SYBU: variants seen among roughly 807,000 people sequenced by gnomAD.
SYBU encodes syntabulin, also known as GOLSYN A protein.
In SYBU, 21 loss-of-function variants were observed where a neutral mutation model predicts 35.9. The ratio of observed to expected loss-of-function variants is 0.58; its 90% CI spans 0.41 to 0.84. The LOEUF is 0.84. SYBU is among the 40% of genes least tolerant of loss of function. The probability of loss-of-function intolerance (pLI) is 0.00; values close to 1 mark genes in which losing one functional copy is unlikely to be tolerated. For synonymous variants in SYBU, 319 were observed against 324.3 expected (o/e 0.98, Z 0.18); for missense variants, 768 against 848.2 (o/e 0.91, Z 1.17).
At chr8:109,688,683 A>G (rs1395329957) in intron 1 of SYBU, among the ~76,000 whole-genome samples, 1 of 151,246 alleles carries the variant, frequency 6.6e-6, no homozygotes, top group Non-Finnish European at 1.5e-5. Flanking sequence ...CTGCTTGGTG[A>G]TATCTCTGGG....
intron 1 of SYBU, among the ~76,000 whole-genome samples, chr8:109,665,962 T>A (rs3108854): frequency 0.31 from 47,146 of 152,116 alleles, 8,599 homozygotes; most frequent in East Asian, 0.52. Flanking sequence ...AGAAACTAGA[T>A]GCCTGCTGTT....
chr8:109,628,276 A>G (rs1813191719), intron 2 of SYBU, among the ~76,000 whole-genome samples: 1 of 152,102 alleles, frequency 6.6e-6, no homozygotes, highest in Admixed American at 6.5e-5. Flanking sequence ...TGGGAGGCCA[A>G]GGTGAGAGGA....
rs144351682 is a variant in SYBU, at chr8:109,640,662, T to C, written c.229+2066A>G. 5.9e-5 allele frequency among the ~76,000 whole-genome samples: 9 copies of C among 152,234 alleles called. No individual in the cohort carries two copies. In the East Asian group the frequency reaches 7.7e-4, roughly 13 times the overall value. On this transcript the variant is annotated intron_variant, in intron 2 of 6. Coordinates refer to ENST00000276646, the MANE Select transcript of SYBU (RefSeq NM_001099754.2). The stretch of plus-strand genomic sequence containing the variant: ...TCCTTTTGTTTTCTTCTTGGGGGAA[T>C]AGTAGGCAAAGCAGCAGTGGGTTTC...
At chr8:109,614,653 A>G (rs565238598) in intron 3 of SYBU, among the ~76,000 whole-genome samples, 3 of 152,344 alleles carry the variant, frequency 2.0e-5, no homozygotes, top group Admixed American at 6.5e-5. Context: ...TATTTATTGG[A>G]CAGCTTTAAT....
In SYBU at chr8:109,575,104, G is replaced by T. The variant is rs373057933; in HGVS notation, c.1794C>A (p.Val598=). ...DGVIPLARGG[V]VRQYWSSSFL... ...AGCTGCTGCTCCAGTACTGCCTCAC[G>T]ACGCCCCCGCGAGCCAGTGGGATGA... is the stretch of plus-strand genomic sequence containing the variant. The change falls in exon 7 of 7, where the codon GTC becomes GTA. Residue 598 remains valine, a synonymous_variant. Transcript: ENST00000276646. The T allele has an allele frequency of 6.2e-7, 1 of 1,612,642 alleles. No individual in the cohort carries two copies. The highest frequency in any genetic ancestry group is 8.5e-7 in the Non-Finnish European group (1 of 1,179,028).
At position 109,691,471 on chromosome 8, in the gene SYBU, G is replaced by A. The variant is rs1044117555; in HGVS notation, c.-196C>T. 2 of 566,030 alleles carry A rather than the reference G, an allele frequency of 3.5e-6. No homozygotes were observed. The highest frequency in any genetic ancestry group is 6.1e-6 in the Non-Finnish European group (2 of 328,304). 35.1% of individuals were successfully genotyped at this position (566,030 alleles called of 1,614,324 possible). ...CTGCTGGTTTGCGCTCAGGCCCGGGGAGCCGGGCCCGGCCCGCTCCGCCCG... is the reference window on the plus strand; with the variant it reads ...CTGCTGGTTTGCGCTCAGGCCCGGGAAGCCGGGCCCGGCCCGCTCCGCCCG... On this transcript the variant is annotated 5_prime_UTR_variant, in exon 1 of 8. Transcript: ENST00000422135. The surrounding 1 kb of genome is among the most constrained non-coding windows in gnomAD (Gnocchi z 4.7).
At chr8:109,612,962 A>T (rs1811342350) in intron 3 of SYBU, among the ~76,000 whole-genome samples, 1 of 150,068 alleles carries the variant, frequency 6.7e-6, no homozygotes, top group Non-Finnish European at 1.5e-5. Flanking sequence ...CCTGGGTGAC[A>T]GAGAAAGACT....
At chr8:109,578,146 C>T in intron 5 of SYBU, 129 bp from the exon 6 acceptor site, 1 of 1,049,960 alleles carries the variant, frequency 9.5e-7, no homozygotes, top group Non-Finnish European at 1.4e-6. Flanking sequence ...CTTCTTACCC[C>T]AATATGACGG....
At chr8:109,621,790 G>A (rs991115316) in intron 2 of SYBU, among the ~76,000 whole-genome samples, 3 of 152,194 alleles carry the variant, frequency 2.0e-5, no homozygotes, top group Non-Finnish European at 2.9e-5. Flanking sequence ...GCATTTGCCT[G>A]TTTTGTCTAA....
chr8:109,650,750 A>C, intron 1 of SYBU, among the ~76,000 whole-genome samples: 1 of 152,212 alleles, frequency 6.6e-6, no homozygotes, highest in East Asian at 1.9e-4. Context: ...TCATCTGCCC[A>C]TGTGTCCTTT....
At chr8:109,684,611 T>C (rs115315939), upstream of SYBU, among the ~76,000 whole-genome samples, 1,363 of 152,334 alleles carry the variant, frequency 8.9e-3, 28 homozygotes, top group African/African-American at 0.031. Context: ...GTCTGGAACA[T>C]TGTTTCAAAA....
intron 1 of SYBU, among the ~76,000 whole-genome samples, chr8:109,657,602 C>CAG (rs1816402940): frequency 6.6e-6 from 1 of 152,188 alleles, no homozygotes; most frequent in Non-Finnish European, 1.5e-5. Context: ...GCCACTGAAA[C>CAG]TGGAAATGAC....
chr8:109,627,725 TTAAAAACAG>T (rs1390426973), intron 2 of SYBU, among the ~76,000 whole-genome samples: 1 of 152,186 alleles, frequency 6.6e-6, no homozygotes, highest in East Asian at 1.9e-4. Flanking sequence ...AATGCCCAAA[TTAAAAACAG>T]ACAAAGGAAG....
chr8:109,613,540 C>T (rs2844243), intron 3 of SYBU, among the ~76,000 whole-genome samples: 1 of 151,968 alleles, frequency 6.6e-6, no homozygotes, highest in Admixed American at 6.6e-5. Flanking sequence ...TCCTCCCCCC[C>T]ACCCAATAAC....
At position 109,575,948 on chromosome 8, in the gene SYBU, TCC is replaced by T; in HGVS notation, c.948_949del (p.Glu317ValfsTer18). On this transcript the variant is annotated frameshift_variant, in exon 7 of 7. Coordinates refer to ENST00000276646, the MANE Select transcript of SYBU (RefSeq NM_001099754.2). LOFTEE classifies it low-confidence loss of function (END_TRUNC). Reference sequence around the variant, plus strand: ...CAACTGGGCCTCTACCCGGTGACACTCCTCCTCAATCCAGTCCTCTCGCATGC... The same window carrying T: ...CAACTGGGCCTCTACCCGGTGACACTTCCTCAATCCAGTCCTCTCGCATGC... 1 of 1,609,090 alleles carries T rather than the reference TCC, an allele frequency of 6.2e-7. No individual in the cohort carries two copies. The highest frequency in any genetic ancestry group is 1.1e-5 in the South Asian group (1 of 90,946).
upstream of SYBU, among the ~76,000 whole-genome samples, chr8:109,681,927 G>A (rs150325560): frequency 6.6e-6 from 1 of 152,040 alleles, no homozygotes; most frequent in Admixed American, 6.6e-5. Context: ...GTTTTATAAG[G>A]GGTTTCTCCC....
chr8:109,585,749 C>T (rs1484833706), intron 4 of SYBU: 1 of 247,246 alleles, frequency 4.0e-6, no homozygotes, highest in African/African-American at 2.2e-5. Flanking sequence ...AGTGGGAGAC[C>T]ACTAGCTTCC....
At position 109,650,406 on chromosome 8, in the gene SYBU, G is replaced by A. The variant is rs145324912; in HGVS notation, c.-129+30305C>T. Reference sequence around the variant, plus strand: ...CAGGTGCAAAAGAGGAAGACTTTGAGTGTCTCTTCTCAAAGAGCAAGAACA... The same window carrying A: ...CAGGTGCAAAAGAGGAAGACTTTGAATGTCTCTTCTCAAAGAGCAAGAACA... On this transcript the variant is annotated intron_variant, in intron 1 of 5. Coordinates refer to the SYBU transcript ENST00000408889. 4.6e-5 allele frequency among the ~76,000 whole-genome samples: 7 copies of A among 152,262 alleles called. No homozygotes were observed. The East Asian group carries it at 1.4e-3, about 29-fold the overall frequency.
intron 3 of SYBU, among the ~76,000 whole-genome samples, chr8:109,612,521 T>G (rs564626091): frequency 7.3e-6 from 1 of 137,122 alleles, no homozygotes; most frequent in South Asian, 2.5e-4. Flanking sequence ...ATTTTAATTT[T>G]TTTCCACTCT....
Sources: allele counts gnomAD v4.1 joint callset (sites outside exome capture counted in the v4.1 genomes callset), GRCh38; gene constraint gnomAD v4.1.1; non-coding constraint Gnocchi (gnomAD v3.1); transcripts MANE v1.5; gene names NCBI Gene and HGNC (gene_info 2026-07-23, HGNC 2026-07-21).